The following C5AR2 variants were observed in gnomAD, a reference collection of about 807,000 sequenced individuals.
The protein encoded by C5AR2 is complement C5a receptor 2, also known as C5a anaphylatoxin chemotactic receptor 2.
For missense variants in C5AR2, 458 were observed against 467.5 expected (o/e 0.98, Z 0.19); for synonymous variants, 224 against 216.5 (o/e 1.03, Z -0.30).
rs1969031226 is a variant in C5AR2, at chr19:47,341,513, T to C, written c.714T>C (p.Ile238=). 3.1e-6 allele frequency: 5 copies of C among 1,612,016 alleles called. No homozygotes were observed. The highest frequency in any genetic ancestry group is 1.6e-4 in the Middle Eastern group (1 of 6,078). Residue 238 remains isoleucine (I), a synonymous_variant, in exon 2 of 2, where the codon ATT becomes ATC. Transcript: ENST00000595464. This position sits in a 1 kb window ranked among gnomAD's most constrained non-coding sequence, Gnocchi z 4.6. Reference sequence around the variant, plus strand: ...GCTGCCGGCCGCTGGGCACAGCCATTGTGGTGGGGTTTTTTGTCTGCTGGG... The same window carrying C: ...GCTGCCGGCCGCTGGGCACAGCCATCGTGGTGGGGTTTTTTGTCTGCTGGG... ...ARRCRPLGTA[I]VVGFFVCWAP... is the part of the protein sequence containing the mutation.
chr19:47,340,522 T>A (rs1015069337), intron 1 of C5AR2, among the ~76,000 whole-genome samples: 18 of 151,838 alleles, frequency 1.2e-4, no homozygotes, highest in Non-Finnish European at 1.8e-4. Flanking sequence ...GTATTTTTAG[T>A]AGAGACGGTG....
In C5AR2 at chr19:47,343,244, C is replaced by A. The variant is rs1257270954; in HGVS notation, c.*1431C>A. 1 of 152,174 alleles carries A rather than the reference C, an allele frequency of 6.6e-6. No individual in the cohort carries two copies. Among genetic ancestry groups the A allele is most frequent in the Admixed American group, 6.6e-5 (1 of 15,258 alleles). 9.4% of individuals were successfully genotyped at this position (152,174 alleles called of 1,614,324 possible). On this transcript the variant is annotated 3_prime_UTR_variant, in exon 2 of 2. Coordinates refer to ENST00000595464, the MANE Select transcript of C5AR2 (RefSeq NM_001271749.2). Reference sequence around the variant, plus strand: ...CCAGAAGCTGAAACAGACAAGGAAACAGATTCTCTCTGAAGCTCCCAGAAG... The same window carrying A: ...CCAGAAGCTGAAACAGACAAGGAAAAAGATTCTCTCTGAAGCTCCCAGAAG...
In C5AR2 at chr19:47,341,697, C is replaced by G. The variant is rs147408302; in HGVS notation, c.898C>G (p.Arg300Gly). The G allele has an allele frequency of 6.2e-7, 1 of 1,614,070 alleles. No homozygotes were observed. The change falls in exon 2 of 2, where the codon CGC (arginine) becomes GGC (glycine). Residue 300 changes from arginine (R) to glycine (G), a missense_variant. Arg to Gly is a moderately radical substitution (Grantham distance 125, BLOSUM62 -2). Coordinates refer to ENST00000595464, the MANE Select transcript of C5AR2 (RefSeq NM_001271749.2). The surrounding 1 kb of genome is among the most constrained non-coding windows in gnomAD (Gnocchi z 4.6). ...CCTGTATTTTGGGAGGGCTCAACTC[C>G]GCCGGTCACTGCCAGCTGCCTGTCA... ...LFLYFGRAQL[R>G]RSLPAACHWA...
chr19:47,335,907 G>T (rs1334999686), intron 1 of C5AR2, among the ~76,000 whole-genome samples: 2 of 149,956 alleles, frequency 1.3e-5, no homozygotes, highest in African/African-American at 2.5e-5. Flanking sequence ...GCTAGCCTAC[G>T]TATGACACCC....
chr19:47,335,636 G>A (rs1311292948), intron 1 of C5AR2, among the ~76,000 whole-genome samples: 1 of 151,082 alleles, frequency 6.6e-6, no homozygotes, highest in Admixed American at 6.6e-5. Context: ...GCCGGAAGTG[G>A]TAGCGGGCGC....
intron 1 of C5AR2, among the ~76,000 whole-genome samples, chr19:47,333,132 G>A (rs1266934044): frequency 6.6e-6 from 1 of 151,872 alleles, no homozygotes; most frequent in Non-Finnish European, 1.5e-5. Context: ...AGCCTGCTGA[G>A]TAGCTGGGAT....
rs576295031 is a variant in C5AR2 at position 47,343,327 on chromosome 19, A to G, written c.*1514A>G. On this transcript the variant is annotated 3_prime_UTR_variant, in exon 2 of 2. Transcript: ENST00000595464. ...GATCCGCAGACCTTTAAGAAAATAC[A>G]TTTGTATTGTTTTAAGTCACTATGT... 3.8e-4 allele frequency: 58 copies of G among 152,288 alleles called. No homozygotes were observed. Among genetic ancestry groups the G allele is most frequent in the African/African-American group, 1.4e-3 (57 of 41,562 alleles). 9.4% of individuals were successfully genotyped at this position (152,288 alleles called of 1,614,324 possible).
At position 47,341,860 on chromosome 19, in the gene C5AR2, G is replaced by T. The variant is rs551522151; in HGVS notation, c.*47G>T. ...TGTATCTTCTTATCTCATTTCACAA[G>T]ACTGGCTTCAGGCATAGCTGGATCC... is the stretch of plus-strand genomic sequence containing the variant. On this transcript the variant is annotated 3_prime_UTR_variant, in exon 2 of 2. Coordinates refer to ENST00000595464, the MANE Select transcript of C5AR2 (RefSeq NM_001271749.2). This position sits in a 1 kb window ranked among gnomAD's most constrained non-coding sequence, Gnocchi z 4.6. The T allele has an allele frequency of 9.0e-6, 14 of 1,562,932 alleles. No individual in the cohort carries two copies. The highest frequency in any genetic ancestry group is 4.1e-5 in the African/African-American group (3 of 73,916).
rs772020093 is a variant in C5AR2 at position 47,341,327 on chromosome 19, C to T, written c.528C>T (p.His176=). Reference sequence around the variant, plus strand: ...CCTCCGCCATCTACCGCCGGCTGCACCAGGAGCACTTCCCAGCCCGGCTGC... The same window carrying T: ...CCTCCGCCATCTACCGCCGGCTGCATCAGGAGCACTTCCCAGCCCGGCTGC... ...TVPSAIYRRL[H]QEHFPARLQC... Residue 176 remains histidine, a synonymous_variant, in exon 2 of 2, where the codon CAC becomes CAT. Transcript: ENST00000595464. The surrounding 1 kb of genome is among the most constrained non-coding windows in gnomAD (Gnocchi z 4.6). 2 of 1,611,372 alleles carry T rather than the reference C, an allele frequency of 1.2e-6. No homozygotes were observed. Among genetic ancestry groups the T allele is most frequent in the South Asian group, 2.2e-5 (2 of 91,078 alleles).
In C5AR2 at chr19:47,341,078, C is replaced by T. The variant is rs1441645749; in HGVS notation, c.279C>T (p.Pro93=). The T allele has an allele frequency of 2.5e-5, 40 of 1,605,442 alleles. No homozygotes were observed. The highest frequency in any genetic ancestry group is 3.3e-5 in the Non-Finnish European group (39 of 1,179,938). The change falls in exon 2 of 2, where the codon CCC becomes CCT. Residue 93 remains proline (P), a synonymous_variant. Transcript: ENST00000595464. The surrounding 1 kb of genome is among the most constrained non-coding windows in gnomAD (Gnocchi z 4.6). ...TGTCTCTGCCCATCCTGGCAGTGCC[C>T]ATTGCCCGTGGAGGCCACTGGCCGT... The part of the protein sequence containing the change: ...CCLSLPILAV[P]IARGGHWPYG...
rs1969054411 is a variant in C5AR2 at position 47,342,376 on chromosome 19, ATTCTAT to A, written c.*566_*571del. 1.4e-5 allele frequency: 2 copies of A among 147,140 alleles called. No homozygotes were observed. The highest frequency in any genetic ancestry group is 3.0e-5 in the Non-Finnish European group (2 of 65,730). The allele number at this position is 147,140 out of a possible 1,614,324, so 9.1% of individuals were successfully genotyped here. ...GTCTCAAAAAATAAATAAATAAAAG[ATTCTAT>A]TTATTTATTTATTTTTTTGAGATGG... is the stretch of plus-strand genomic sequence containing the variant. On this transcript the variant is annotated 3_prime_UTR_variant, in exon 2 of 2. Coordinates refer to ENST00000595464, the MANE Select transcript of C5AR2 (RefSeq NM_001271749.2).
At chr19:47,338,687 A>AATAATAATAATAATAATT (rs1332634796) in intron 1 of C5AR2, among the ~76,000 whole-genome samples, 1 of 144,452 alleles carries the variant, frequency 6.9e-6, no homozygotes, top group Admixed American at 7.0e-5. Flanking sequence ...TAATAATAAT[A>AATAATAATAATAATAATT]ATTAATCAGG....
rs201943458 is a variant in C5AR2, at chr19:47,342,965, C to CCCCG, written c.*1153_*1156dup. 0.013 allele frequency: 2,029 copies of CCCCG among 152,304 alleles called. 27 individuals carry two copies. Among genetic ancestry groups the CCCCG allele is most frequent in the Middle Eastern group, 0.075 (22 of 294 alleles). 9.4% of individuals were successfully genotyped at this position (152,304 alleles called of 1,614,324 possible). ...ACCCTGTAGCAATCAGAATCATGAC[C>CCCCG]CCCGGTGATGTCCACATCTTAATCC... is the stretch of plus-strand genomic sequence containing the variant. On this transcript the variant is annotated 3_prime_UTR_variant, in exon 2 of 2. Transcript: ENST00000595464.
rs775833215 is a variant in C5AR2 at position 47,341,304 on chromosome 19, T to TCCGCCATCTA, written c.511_520dup (p.Arg174HisfsTer103). ...ACTGGCCTTGCTGCTCACCGTGCCC[T>TCCGCCATCTA]CCGCCATCTACCGCCGGCTGCACCA... On this transcript the variant is annotated frameshift_variant, in exon 2 of 2. Coordinates refer to ENST00000595464, the MANE Select transcript of C5AR2 (RefSeq NM_001271749.2). LOFTEE classifies it low-confidence loss of function (END_TRUNC). This position sits in a 1 kb window ranked among gnomAD's most constrained non-coding sequence, Gnocchi z 4.6. 2.5e-6 allele frequency: 4 copies of TCCGCCATCTA among 1,609,236 alleles called. No homozygotes were observed. Among genetic ancestry groups the TCCGCCATCTA allele is most frequent in the Non-Finnish European group, 2.5e-6 (3 of 1,179,868 alleles).
Position 47,345,542 on chromosome 19 carries a change from T to TA in C5AR2, c.*3729_*3730insA, listed in dbSNP as rs1969107752. 2.6e-5 allele frequency: 4 copies of TA among 151,588 alleles called. No homozygotes were observed. Among genetic ancestry groups the TA allele is most frequent in the African/African-American group, 9.7e-5 (4 of 41,332 alleles). The allele number at this position is 151,588 out of a possible 1,614,324, so 9.4% of individuals were successfully genotyped here. ...ACCAAACCCAGCTAATGTTTTTTTTTTTTTATTTTTAGTAGAGACGGGGTT... is the reference window on the plus strand; with the variant it reads ...ACCAAACCCAGCTAATGTTTTTTTTTATTTTATTTTTAGTAGAGACGGGGTT... On this transcript the variant is annotated 3_prime_UTR_variant, in exon 2 of 2. Coordinates refer to ENST00000595464, the MANE Select transcript of C5AR2 (RefSeq NM_001271749.2).
intron 1 of C5AR2, among the ~76,000 whole-genome samples, chr19:47,333,719 C>T (rs1260035035): frequency 2.0e-5 from 3 of 151,478 alleles, no homozygotes; most frequent in African/African-American, 7.3e-5. Context: ...GCTGGGACTA[C>T]AGGCGCCCGC....
rs1336802756 is a variant in C5AR2 at position 47,342,375 on chromosome 19, GATTCT to G, written c.*566_*570del. On this transcript the variant is annotated 3_prime_UTR_variant, in exon 2 of 2. Transcript: ENST00000595464. ...CGTCTCAAAAAATAAATAAATAAAA[GATTCT>G]ATTTATTTATTTATTTTTTTGAGAT... 1 of 149,858 alleles carries G rather than the reference GATTCT, an allele frequency of 6.7e-6. No individual in the cohort carries two copies. The highest frequency in any genetic ancestry group is 2.4e-5 in the African/African-American group (1 of 40,862). 9.3% of individuals were successfully genotyped at this position (149,858 alleles called of 1,614,324 possible). A position where few individuals can be genotyped will look rare whatever the true frequency, so the allele number is the denominator to read the frequency against.
At chr19:47,338,192 C>T (rs2059365786) in intron 1 of C5AR2, among the ~76,000 whole-genome samples, 1 of 152,018 alleles carries the variant, frequency 6.6e-6, no homozygotes, top group Admixed American at 6.6e-5. Flanking sequence ...GGGAGGATCA[C>T]TTGAGCACAG....
In C5AR2 at chr19:47,341,004, G is replaced by C; in HGVS notation, c.205G>C (p.Gly69Arg). The change falls in exon 2 of 2, where the codon GGT becomes CGT. Residue 69 changes from glycine (G) to arginine (R), a missense_variant. Transcript: ENST00000595464. The surrounding 1 kb of genome is among the most constrained non-coding windows in gnomAD (Gnocchi z 4.6). ...VAGKVARRRVGATWLLHLAVA... is the reference protein window; with the variant it reads ...VAGKVARRRVRATWLLHLAVA... ...TGGGAAGGTGGCCCGCCGGAGGGTG[G>C]GTGCCACCTGGTTGCTCCACCTGGC... is the stretch of plus-strand genomic sequence containing the variant. 6.2e-7 allele frequency: 1 copy of C among 1,609,434 alleles called. No homozygotes were observed. The highest frequency in any genetic ancestry group is 1.1e-5 in the South Asian group (1 of 91,078).
Sources: allele counts gnomAD v4.1 joint callset (sites outside exome capture counted in the v4.1 genomes callset), GRCh38; gene constraint gnomAD v4.1.1; non-coding constraint Gnocchi (gnomAD v3.1); transcripts MANE v1.5; gene names NCBI Gene and HGNC (gene_info 2026-07-23, HGNC 2026-07-21).